FRMD6: variants seen among roughly 807,000 people sequenced by gnomAD.
FRMD6 encodes the protein FERM domain containing 6, also known as FERM domain-containing protein 6.
Under a neutral mutation model 73.2 loss-of-function variants are expected in FRMD6, and 37 were observed. The ratio of observed to expected loss-of-function variants is 0.51; its 90% confidence interval spans 0.39 to 0.66. The LOEUF (loss-of-function observed/expected upper bound fraction) is 0.66. FRMD6 is among the 30% of genes least tolerant of loss of function. FRMD6 has a pLI of 0.00. For missense variants in FRMD6, 714 were observed against 780.5 expected (o/e 0.91, Z 1.02); for synonymous variants, 273 against 282.2 (o/e 0.97, Z 0.33).
Position 51,718,852 on chromosome 14 carries a change from T to C in FRMD6, c.1025-1203T>C, listed in dbSNP as rs368404858. Among the ~76,000 whole-genome samples, 486 of 152,308 alleles carry C rather than the reference T, an allele frequency of 3.2e-3. 4 individuals are homozygous for C. Among genetic ancestry groups the C allele is most frequent in the African/African-American group, 0.011 (458 of 41,548 alleles). ...TTTGCATCCTAGAAGGCGCATCTTT[T>C]CTTTCTCCTCCTGCTCATTTTCTCT... On this transcript the variant is annotated intron_variant, in intron 10 of 13. Coordinates refer to ENST00000344768, the MANE Select transcript of FRMD6 (RefSeq NM_001267046.2).
upstream of FRMD6, among the ~76,000 whole-genome samples, chr14:51,487,357 G>A (rs2140154513): frequency 6.6e-6 from 1 of 152,104 alleles, no homozygotes; most frequent in Non-Finnish European, 1.5e-5. Flanking sequence ...CAAATTATAG[G>A]TACTGGAAAA....
chr14:51,601,281 C>T (rs116951820), intron 2 of FRMD6, among the ~76,000 whole-genome samples: 14 of 152,148 alleles, frequency 9.2e-5, no homozygotes, highest in African/African-American at 1.2e-4. Context: ...TTTAGTTTCC[C>T]GAGACCACCT....
intron 2 of FRMD6, among the ~76,000 whole-genome samples, chr14:51,579,645 G>A (rs1189373927): frequency 6.6e-6 from 1 of 152,188 alleles, no homozygotes; most frequent in East Asian, 1.9e-4. Context: ...TCAAATGAAT[G>A]AGTAAATGAT....
chr14:51,441,029 G>C, the FRMD6 span, among the ~76,000 whole-genome samples: 1 of 152,186 alleles, frequency 6.6e-6, no homozygotes, highest in Non-Finnish European at 1.5e-5. Flanking sequence ...GATACCTGTT[G>C]TGGCAAATAA....
At chr14:51,537,921 G>A (rs1015304489) in intron 1 of FRMD6, among the ~76,000 whole-genome samples, 12 of 152,052 alleles carry the variant, frequency 7.9e-5, no homozygotes, top group African/African-American at 2.9e-4. Flanking sequence ...TATCAGATAT[G>A]TCTTTTGCAA....
the FRMD6 span, among the ~76,000 whole-genome samples, chr14:51,400,344 C>T: frequency 6.6e-6 from 1 of 152,110 alleles, no homozygotes; most frequent in African/African-American, 2.4e-5. Flanking sequence ...ATTCCACATG[C>T]AAGTGAGGTC....
At chr14:51,521,032 A>G (rs911394624) in intron 1 of FRMD6, among the ~76,000 whole-genome samples, 1 of 152,246 alleles carries the variant, frequency 6.6e-6, no homozygotes, top group African/African-American at 2.4e-5. Context: ...CGTACATTTT[A>G]TGATGCTGAA....
chr14:51,564,705 T>G (rs1887682052), intron 1 of FRMD6, among the ~76,000 whole-genome samples: 1 of 152,204 alleles, frequency 6.6e-6, no homozygotes, highest in Non-Finnish European at 1.5e-5. Flanking sequence ...AACAACCTCT[T>G]CTAAGCAAAT....
rs765741434 is a variant in FRMD6, at chr14:51,727,892, G to T, written c.1732G>T (p.Asp578Tyr). The change falls in exon 14 of 14, where the codon GAT (aspartate) becomes TAT (tyrosine). Residue 578 changes from aspartate (D) to tyrosine (Y), a missense_variant. Asp to Tyr is a radical substitution (Grantham distance 160). Transcript: ENST00000344768. ...CACCTTTGGATGTGGCCATGAACTG[G>T]ATGAGGAAGGCCTCTATTGCAACAG... ...SYTFGCGHELDEEGLYCNSCL... is the reference protein window; with the variant it reads ...SYTFGCGHELYEEGLYCNSCL... 3 of 1,614,108 alleles carry T rather than the reference G, an allele frequency of 1.9e-6. No homozygotes were observed. Among genetic ancestry groups the T allele is most frequent in the African/African-American group, 2.7e-5 (2 of 74,944 alleles).
intron 1 of FRMD6, among the ~76,000 whole-genome samples, chr14:51,682,104 C>A (rs1894841250): frequency 6.6e-6 from 1 of 152,090 alleles, no homozygotes; most frequent in Non-Finnish European, 1.5e-5. Context: ...CTTTGTTTGC[C>A]TTAAATGAAT....
chr14:51,603,003 G>A (rs1423057662), intron 2 of FRMD6, among the ~76,000 whole-genome samples: 1 of 152,156 alleles, frequency 6.6e-6, no homozygotes, highest in East Asian at 1.9e-4. Context: ...TAACTCCCAA[G>A]GTATTAGGTG....
At chr14:51,638,717 T>A (rs1312370401) in intron 2 of FRMD6, among the ~76,000 whole-genome samples, 1 of 152,198 alleles carries the variant, frequency 6.6e-6, no homozygotes, top group East Asian at 1.9e-4. Context: ...TAGCAACCTA[T>A]CTGAGAACTT....
intron 1 of FRMD6, among the ~76,000 whole-genome samples, chr14:51,563,385 T>G (rs562839685): frequency 3.3e-5 from 5 of 152,174 alleles, no homozygotes; most frequent in South Asian, 4.1e-4. Context: ...AAAAAGCTAC[T>G]GTGGCCGGGC....
intron 3 of FRMD6, 48 bp downstream of exon 3, chr14:51,698,280 G>C (rs188166227): frequency 7.7e-7 from 1 of 1,293,964 alleles, no homozygotes; most frequent in East Asian, 2.3e-5. Context: ...TATCCCTGAG[G>C]AAATGACATC....
the FRMD6 span, among the ~76,000 whole-genome samples, chr14:51,471,184 C>A: frequency 5.3e-5 from 8 of 152,104 alleles, no homozygotes; most frequent in Non-Finnish European, 8.8e-5. Flanking sequence ...GATGCATATG[C>A]ATTTATAATA....
At chr14:51,694,572 C>T (rs772842690) in intron 2 of FRMD6, among the ~76,000 whole-genome samples, 42 of 152,024 alleles carry the variant, frequency 2.8e-4, no homozygotes, top group Non-Finnish European at 5.1e-4. Flanking sequence ...TGCCAGTGGT[C>T]CTAGCTACTT....
chr14:51,475,837 T>A, the FRMD6 span, among the ~76,000 whole-genome samples: 2 of 152,082 alleles, frequency 1.3e-5, no homozygotes, highest in African/African-American at 4.8e-5. Flanking sequence ...AAATTTAAGA[T>A]GGAGAAAAGC....
intron 1 of FRMD6, among the ~76,000 whole-genome samples, chr14:51,666,440 A>C (rs1893600497): frequency 6.6e-6 from 1 of 152,222 alleles, no homozygotes; most frequent in African/African-American, 2.4e-5. Flanking sequence ...CAGGAAATTC[A>C]GATTTAAATA....
chr14:51,617,548 A>G (rs1480942886), intron 2 of FRMD6, among the ~76,000 whole-genome samples: 1 of 152,198 alleles, frequency 6.6e-6, no homozygotes, highest in East Asian at 1.9e-4. Flanking sequence ...ATTGCTGCAC[A>G]TATATGTTTG....
Sources: allele counts gnomAD v4.1 joint callset (sites outside exome capture counted in the v4.1 genomes callset), GRCh38; gene constraint gnomAD v4.1.1; transcripts MANE v1.5; gene names NCBI Gene and HGNC (gene_info 2026-07-23, HGNC 2026-07-21).